The following TJP1 variants were observed in gnomAD, a reference collection of about 807,000 sequenced individuals.
TJP1 encodes the protein tight junction protein ZO-1.
A neutral mutation model predicts 194.2 loss-of-function variants in TJP1; 43 were observed. The observed-to-expected ratio is 0.22, with a 90% CI of 0.17 to 0.29. The LOEUF (loss-of-function observed/expected upper bound fraction) is 0.29. TJP1 is among the 10% of genes least tolerant of loss of function. The pLI is 1.00. For synonymous variants in TJP1, 801 were observed against 779.0 expected, an observed-to-expected ratio of 1.03 and a Z score of -0.47; for missense variants, 1,971 against 2,185.7, an observed-to-expected ratio of 0.90 and a Z score of 1.96.
intron 1 of TJP1, among the ~76,000 whole-genome samples, chr15:29,814,355 A>T (rs1463082794): frequency 2.0e-5 from 3 of 152,156 alleles, no homozygotes; most frequent in Non-Finnish European, 4.4e-5. Flanking sequence ...ATAGCAGTTG[A>T]AAACTGTAAA....
At chr15:29,902,769 C>A (rs897355896) in intron 2 of TJP1, among the ~76,000 whole-genome samples, 21 of 152,176 alleles carry the variant, frequency 1.4e-4, no homozygotes, top group African/African-American at 4.8e-4. Flanking sequence ...GACACGGTGG[C>A]TCATGCCTGT....
chr15:29,801,845 C>T (rs2048811555), intron 1 of TJP1, among the ~76,000 whole-genome samples: 2 of 151,606 alleles, frequency 1.3e-5, no homozygotes, highest in Admixed American at 1.3e-4. Flanking sequence ...TTGTCTTGGG[C>T]CACACATAAA....
chr15:29,794,185 A>C (rs1195804283), intron 2 of TJP1, among the ~76,000 whole-genome samples: 2 of 152,190 alleles, frequency 1.3e-5, no homozygotes, highest in Admixed American at 1.3e-4. Flanking sequence ...AAAAACAAAC[A>C]AAAAACAACC....
intron 2 of TJP1, among the ~76,000 whole-genome samples, chr15:29,863,389 C>T (rs1805066458): frequency 6.6e-6 from 1 of 152,142 alleles, no homozygotes; most frequent in African/African-American, 2.4e-5. Flanking sequence ...GTGATTCTTG[C>T]AAAAGGTCAT....
chr15:29,820,816 T>C lies in TJP1; in HGVS notation c.27+1186A>G, dbSNP rs1172335291. The stretch of plus-strand genomic sequence containing the variant: ...TCAATGTAAGGTCAAAAGGTGCAAG[T>C]TAAATTTTTCTTAAACGAAGAATAC... On this transcript the variant is annotated intron_variant, in intron 1 of 27. Coordinates refer to ENST00000614355, the MANE Select transcript of TJP1 (RefSeq NM_001330239.4). 3 of 508,504 alleles carry C rather than the reference T, an allele frequency of 5.9e-6. No individual in the cohort carries two copies. In the Admixed American group the frequency reaches 9.7e-5, roughly 16 times the overall value. The allele number at this position is 508,504 out of a possible 1,614,324, so 31.5% of individuals were successfully genotyped here. A position where few individuals can be genotyped will look rare whatever the true frequency, so the allele number is the denominator to read the frequency against.
At chr15:29,705,142 G>T (rs1028265045) in intron 26 of TJP1, among the ~76,000 whole-genome samples, 1 of 152,218 alleles carries the variant, frequency 6.6e-6, no homozygotes, top group Non-Finnish European at 1.5e-5. Context: ...AAGAGGTTTA[G>T]GTTCTCCAAT....
chr15:29,701,775 T>C lies in TJP1; in HGVS notation c.5213-86A>G, dbSNP rs1022991221. On this transcript the variant is annotated intron_variant, in intron 27 of 27. Transcript: ENST00000614355. ...TGCAATTATAGGGCAAATACGTATA[T>C]TTAGACATAATTTTCTTCTGTTTCT... The C allele has an allele frequency of 4.0e-5, 37 of 924,746 alleles. 1 individual carries two copies. In the African/African-American group the frequency reaches 6.0e-4, roughly 15 times the overall value. The allele number at this position is 924,746 out of a possible 1,614,324, so 57.3% of individuals were successfully genotyped here.
intron 8 of TJP1, among the ~76,000 whole-genome samples, chr15:29,753,918 G>GT (rs954799543): frequency 1.3e-5 from 2 of 151,450 alleles, no homozygotes; most frequent in Non-Finnish European, 2.9e-5. Flanking sequence ...AACAATATAT[G>GT]TAATTCTTGT....
At chr15:29,702,689 T>G (rs1725861014) in intron 27 of TJP1, among the ~76,000 whole-genome samples, 1 of 152,172 alleles carries the variant, frequency 6.6e-6, no homozygotes, top group South Asian at 2.1e-4. Context: ...CGTTAGACAT[T>G]ACCTAAGCAA....
chr15:29,951,609 A>C (rs1270574958), intron 2 of TJP1, among the ~76,000 whole-genome samples: 1 of 152,184 alleles, frequency 6.6e-6, no homozygotes, highest in Non-Finnish European at 1.5e-5. Flanking sequence ...TAACATTCCA[A>C]ATAATATCTT....
At chr15:29,856,618 T>C (rs2051860613) in intron 2 of TJP1, among the ~76,000 whole-genome samples, 1 of 152,236 alleles carries the variant, frequency 6.6e-6, no homozygotes, top group Non-Finnish European at 1.5e-5. Context: ...TGGACCTCCG[T>C]ATCTGTGAGT....
At chr15:29,772,026 G>A in intron 4 of TJP1, 38 bp downstream of exon 4, 1 of 1,270,554 alleles carries the variant, frequency 7.9e-7, no homozygotes, top group African/African-American at 1.5e-5. Flanking sequence ...CAATAAAGTT[G>A]GGGTACCTTT....
chr15:29,938,769 T>C (rs763809883), intron 2 of TJP1, among the ~76,000 whole-genome samples: 48 of 152,312 alleles, frequency 3.2e-4, no homozygotes, highest in Admixed American at 1.2e-3. Context: ...TTAAAGTCCA[T>C]CCATCATAAA....
At chr15:29,746,321 T>C (rs2044773916) in intron 8 of TJP1, among the ~76,000 whole-genome samples, 1 of 151,186 alleles carries the variant, frequency 6.6e-6, no homozygotes, top group Admixed American at 6.6e-5. Flanking sequence ...GAGCTTGCAG[T>C]GAGCCCAGAT....
At chr15:29,882,152 C>T (rs1395886430) in intron 2 of TJP1, among the ~76,000 whole-genome samples, 1 of 152,102 alleles carries the variant, frequency 6.6e-6, no homozygotes, top group East Asian at 1.9e-4. Flanking sequence ...CCCAGCCAAC[C>T]TTAAATTCCC....
At chr15:29,880,429 C>T (rs1177286591) in intron 2 of TJP1, among the ~76,000 whole-genome samples, 1 of 152,140 alleles carries the variant, frequency 6.6e-6, no homozygotes, top group Non-Finnish European at 1.5e-5. Flanking sequence ...TTCCTCATGT[C>T]CTTTTTGTTT....
chr15:29,728,251 G>C (rs958855774), intron 15 of TJP1: 1 of 427,860 alleles, frequency 2.3e-6, no homozygotes, highest in Non-Finnish European at 4.1e-6. Flanking sequence ...CATTAAAGAA[G>C]AAAAAATATA....
intron 2 of TJP1, among the ~76,000 whole-genome samples, chr15:29,785,611 T>G (rs933375468): frequency 1.3e-5 from 2 of 152,264 alleles, no homozygotes; most frequent in Non-Finnish European, 2.9e-5. Context: ...AGGATTCCAC[T>G]TGTTGCCTTT....
chr15:29,938,463 C>T (rs2054955312), intron 2 of TJP1, among the ~76,000 whole-genome samples: 1 of 152,142 alleles, frequency 6.6e-6, no homozygotes, highest in South Asian at 2.1e-4. Flanking sequence ...TACAAGTTTA[C>T]AGCTAGTTTT....
Sources: allele counts gnomAD v4.1 joint callset (sites outside exome capture counted in the v4.1 genomes callset), GRCh38; gene constraint gnomAD v4.1.1; transcripts MANE v1.5; gene names NCBI Gene and HGNC (gene_info 2026-07-23, HGNC 2026-07-21).